Variants in MORC3 observed in about 807,000 individuals in gnomAD.
MORC3 encodes the protein MORC family CW-type zinc finger protein 3.
In MORC3, 31 loss-of-function variants were observed where a neutral mutation model predicts 109.1. The ratio of observed to expected loss-of-function variants is 0.28; its 90% CI spans 0.21 to 0.38. The LOEUF is 0.38. MORC3 is among the 10% of genes least tolerant of loss of function. The pLI is 1.00. For synonymous variants in MORC3, 395 were observed against 380.7 expected (o/e 1.04, Z -0.44); for missense variants, 867 against 1,135.8 (o/e 0.76, Z 3.40).
chr21:36,335,927 T>A (rs2085370746), intron 2 of MORC3, among the ~76,000 whole-genome samples: 1 of 151,956 alleles, frequency 6.6e-6, no homozygotes, highest in Non-Finnish European at 1.5e-5. Context: ...TCTTTTTTTC[T>A]TTTTTTTCCA....
intron 1 of MORC3, among the ~76,000 whole-genome samples, chr21:36,324,152 G>A (rs1042507171): frequency 2.0e-5 from 3 of 152,160 alleles, no homozygotes; most frequent in African/African-American, 7.2e-5. Flanking sequence ...TGGGATGACA[G>A]GCATGAGGCA....
chr21:36,326,851 T>C (rs999007849), intron 1 of MORC3, among the ~76,000 whole-genome samples: 3 of 151,946 alleles, frequency 2.0e-5, no homozygotes, highest in African/African-American at 7.3e-5. Flanking sequence ...AGTCTCGCTC[T>C]GTCGCCTAGG....
chr21:36,324,273 C>T (rs1336473357), intron 1 of MORC3, among the ~76,000 whole-genome samples: 1 of 151,132 alleles, frequency 6.6e-6, no homozygotes, highest in African/African-American at 2.4e-5. Context: ...GATACATTAA[C>T]TGTAGTTTTT....
chr21:36,356,319 CA>C (rs1288100812), intron 9 of MORC3, among the ~76,000 whole-genome samples: 1 of 151,906 alleles, frequency 6.6e-6, no homozygotes, highest in African/African-American at 2.4e-5. Flanking sequence ...ATGTTTTATG[CA>C]TTCATGACAT....
chr21:36,322,176 T>A (rs1343480613), intron 1 of MORC3, among the ~76,000 whole-genome samples: 1 of 152,146 alleles, frequency 6.6e-6, no homozygotes, highest in Non-Finnish European at 1.5e-5. Context: ...AAAAGAAGAA[T>A]GTTTAGTGAC....
chr21:36,329,656 C>A (rs558384387), intron 1 of MORC3, among the ~76,000 whole-genome samples: 1 of 152,276 alleles, frequency 6.6e-6, no homozygotes, highest in East Asian at 1.9e-4. Flanking sequence ...AAGACTAGTT[C>A]AGGCCATGAC....
chr21:36,336,092 A>ATTT (rs71326676), intron 2 of MORC3, among the ~76,000 whole-genome samples: 2 of 137,740 alleles, frequency 1.5e-5, no homozygotes, highest in African/African-American at 2.7e-5. Context: ...TGCCTGGCTA[A>ATTT]TTTTTTTTTT....
Position 36,375,202 on chromosome 21 carries a change from A to G in MORC3, c.2726A>G (p.Asp909Gly), listed in dbSNP as rs1569113100. 3 of 1,614,000 alleles carry G rather than the reference A, an allele frequency of 1.9e-6. No individual in the cohort carries two copies. Among genetic ancestry groups the G allele is most frequent in the Non-Finnish European group, 2.5e-6 (3 of 1,179,920 alleles). ...CAACTGCTGGCTATGATTGTGCCTGATCTTGATCTTCAGCAAGTGAATTAC... is the reference window on the plus strand; with the variant it reads ...CAACTGCTGGCTATGATTGTGCCTGGTCTTGATCTTCAGCAAGTGAATTAC... ...VGQLLAMIVP[D>G]LDLQQVNYDV... The change falls in exon 17 of 17, where the codon GAT becomes GGT. Residue 909 changes from aspartate (D) to glycine (G), a missense_variant. By Grantham distance (94) the Asp-to-Gly change is moderately conservative. This residue lies in a region of MORC3 where 34 missense variants were observed against 35.2 expected (regional missense o/e 0.97). Transcript: ENST00000400485.
chr21:36,337,406 A>C (rs1317143517), intron 3 of MORC3, among the ~76,000 whole-genome samples: 3 of 152,180 alleles, frequency 2.0e-5, no homozygotes, highest in African/African-American at 4.8e-5. Context: ...CTATTTAGTC[A>C]GGGTGTGCCA....
At chr21:36,359,869 C>G (rs2085693221) in intron 10 of MORC3, 86 bp from the exon 11 acceptor site, 1 of 1,537,776 alleles carries the variant, frequency 6.5e-7, no homozygotes, top group East Asian at 2.3e-5. Flanking sequence ...ATAATGGCAT[C>G]TTGTGGTAGA....
At chr21:36,373,150 G>C (rs1183876509) in intron 16 of MORC3, among the ~76,000 whole-genome samples, 2 of 150,166 alleles carry the variant, frequency 1.3e-5, no homozygotes, top group African/African-American at 2.5e-5. Context: ...GACCAGCCTG[G>C]CCAACATGGT....
chr21:36,360,241 A>T lies in MORC3; in HGVS notation c.1389A>T (p.Glu463Asp). ...EDEDLVHPTY[E>D]KTYKKTNKEK... ...AGGATTTGGTACATCCCACTTATGA[A>T]AAAACCTACAAAAAGACGTGAGTGT... Residue 463 changes from glutamate (E) to aspartate (D), a missense_variant, in exon 12 of 17, where the codon GAA becomes GAT. Glu to Asp is a conservative substitution (Grantham distance 45). Transcript: ENST00000400485. 2 of 1,613,782 alleles carry T rather than the reference A, an allele frequency of 1.2e-6. No individual in the cohort carries two copies. The highest frequency in any genetic ancestry group is 1.7e-6 in the Non-Finnish European group (2 of 1,179,796).
At chr21:36,352,128 T>A (rs897153272) in intron 9 of MORC3, among the ~76,000 whole-genome samples, 1 of 152,202 alleles carries the variant, frequency 6.6e-6, no homozygotes, top group Admixed American at 6.5e-5. Flanking sequence ...TGAGTATAGT[T>A]CATCATATTG....
intron 14 of MORC3, among the ~76,000 whole-genome samples, 178 bp downstream of exon 14, chr21:36,364,437 A>G (rs2085755108): frequency 6.6e-6 from 1 of 152,208 alleles, no homozygotes; most frequent in South Asian, 2.1e-4. Flanking sequence ...ACTTAGGCTA[A>G]ACCCTACTTC....
chr21:36,327,994 A>C (rs2085269051), intron 1 of MORC3, among the ~76,000 whole-genome samples: 1 of 151,734 alleles, frequency 6.6e-6, no homozygotes, highest in South Asian at 2.1e-4. Context: ...GCCATGCCTC[A>C]GCCACCCAAG....
At chr21:36,353,375 A>G (rs2085597944) in intron 9 of MORC3, among the ~76,000 whole-genome samples, 1 of 150,818 alleles carries the variant, frequency 6.6e-6, no homozygotes, top group Admixed American at 6.6e-5. Flanking sequence ...AAAAAAAAAA[A>G]AAAAATCATG....
At chr21:36,368,129 A>G (rs919434141) in intron 14 of MORC3, among the ~76,000 whole-genome samples, 2 of 152,234 alleles carry the variant, frequency 1.3e-5, no homozygotes, top group Non-Finnish European at 2.9e-5. Flanking sequence ...AAGGCAATCA[A>G]ATGGTGATAA....
chr21:36,363,959 C>T (rs755780069), intron 13 of MORC3, 134 bp from the exon 14 acceptor site: 26 of 932,426 alleles, frequency 2.8e-5, no homozygotes, highest in Non-Finnish European at 3.0e-5. Flanking sequence ...CCTGGTATAG[C>T]ACAAGGAATT....
At position 36,360,061 on chromosome 21, in the gene MORC3, C is replaced by A; in HGVS notation, c.1315C>A (p.Pro439Thr). Residue 439 changes from proline (P) to threonine (T), a missense_variant, in exon 11 of 17, where the codon CCT (proline) becomes ACT (threonine). By Grantham distance (38) the Pro-to-Thr change is conservative (BLOSUM62 -1). Coordinates refer to ENST00000400485, the MANE Select transcript of MORC3 (RefSeq NM_015358.3). ...LPEKWYCSNN[P>T]DPQFRNCEVP... is the part of the protein sequence containing the mutation. ...TGAAAAATGGTATTGCTCCAATAAC[C>A]CTGACCCACAGTTCAGGTACCATAG... 6.2e-7 allele frequency: 1 copy of A among 1,614,080 alleles called. No homozygotes were observed. The highest frequency in any genetic ancestry group is 8.5e-7 in the Non-Finnish European group (1 of 1,180,026).
Sources: allele counts gnomAD v4.1 joint callset (sites outside exome capture counted in the v4.1 genomes callset), GRCh38; gene constraint gnomAD v4.1.1; regional missense constraint gnomAD v4.1.1; transcripts MANE v1.5; gene names NCBI Gene and HGNC (gene_info 2026-07-23, HGNC 2026-07-21).